The following FRMD4B variants were observed in gnomAD, a reference collection of about 807,000 sequenced individuals.
The protein encoded by FRMD4B is FERM domain containing 4B.
FRMD4B carries 74 observed loss-of-function variants against 141.5 expected under a neutral mutation model. The ratio of observed to expected loss-of-function variants is 0.52; its 90% CI spans 0.43 to 0.63. FRMD4B has a LOEUF of 0.63. FRMD4B is among the 30% of genes least tolerant of loss of function. FRMD4B has a pLI of 0.00. For synonymous variants in FRMD4B, 506 were observed against 467.9 expected, an observed-to-expected ratio of 1.08 and a Z score of -1.05; for missense variants, 1,366 against 1,253.4, an observed-to-expected ratio of 1.09 and a Z score of -1.36.
chr3:69,249,803 ATTC>A (rs1477229681), intron 6 of FRMD4B, among the ~76,000 whole-genome samples: 4 of 152,214 alleles, frequency 2.6e-5, no homozygotes, highest in Admixed American at 2.6e-4. Flanking sequence ...TATGGGTTTA[ATTC>A]TTCTCCTTCA....
intron 8 of FRMD4B, among the ~76,000 whole-genome samples, chr3:69,223,824 G>A (rs2093222342): frequency 6.6e-6 from 1 of 152,102 alleles, no homozygotes; most frequent in Non-Finnish European, 1.5e-5. Context: ...GCAAGACTCT[G>A]TCTCAAAAAA....
chr3:69,429,792 C>G (rs1466878733), intron 2 of FRMD4B, among the ~76,000 whole-genome samples: 1 of 129,782 alleles, frequency 7.7e-6, no homozygotes, highest in Non-Finnish European at 1.6e-5. Context: ...GTCTCACTTA[C>G]TCTGCTGCCC....
At chr3:69,203,338 A>AG (rs2092990186) in intron 11 of FRMD4B, among the ~76,000 whole-genome samples, 9 of 121,332 alleles carry the variant, frequency 7.4e-5, no homozygotes, top group Non-Finnish European at 1.5e-4. Context: ...AAAAAAAAAA[A>AG]AAAAAAGAAA....
chr3:69,199,585 A>T (rs1419402244), intron 11 of FRMD4B, among the ~76,000 whole-genome samples: 8 of 152,210 alleles, frequency 5.3e-5, no homozygotes, highest in Admixed American at 3.3e-4. Flanking sequence ...CCTAAATGCC[A>T]CAGAAACCTA....
intron 1 of FRMD4B, among the ~76,000 whole-genome samples, chr3:69,484,959 C>A (rs925751285): frequency 1.3e-5 from 2 of 152,164 alleles, no homozygotes; most frequent in Admixed American, 6.5e-5. Flanking sequence ...TCTGCCCCAG[C>A]CTGAAGGTGG....
intron 2 of FRMD4B, among the ~76,000 whole-genome samples, chr3:69,393,560 A>T (rs1704424699): frequency 6.6e-6 from 1 of 151,964 alleles, no homozygotes; most frequent in African/African-American, 2.4e-5. Flanking sequence ...CTTGTGACTG[A>T]CCTCCCACCT....
At chr3:69,173,046 G>A (rs550773745) in intron 22 of FRMD4B, among the ~76,000 whole-genome samples, 92 of 152,242 alleles carry the variant, frequency 6.0e-4, no homozygotes, top group Non-Finnish European at 9.6e-4. Context: ...ACTTACTACA[G>A]CTGGCTACAC....
chr3:69,474,856 G>A (rs1268190959), intron 1 of FRMD4B, among the ~76,000 whole-genome samples: 1 of 152,088 alleles, frequency 6.6e-6, no homozygotes, highest in Non-Finnish European at 1.5e-5. Flanking sequence ...CTTAAACCAG[G>A]GATAAAATGC....
In FRMD4B at chr3:69,270,457, T is replaced by C. The variant is rs369612492; in HGVS notation, c.501+17295A>G. ...AAATAGGTAGAAAGATGGACAGAAA[T>C]AGTTGGTATGGATAAGTTTGGTTTT... On this transcript the variant is annotated intron_variant, in intron 5 of 22. Transcript: ENST00000398540. Among the ~76,000 whole-genome samples the C allele has an allele frequency of 5.2e-4, 79 of 152,286 alleles. 1 individual carries two copies. In the South Asian group the frequency reaches 0.016, roughly 31 times the overall value.
rs1178376970 is a variant in FRMD4B, at chr3:69,221,924, C to G, written c.666-1G>C. 1 of 1,505,494 alleles carries G rather than the reference C, an allele frequency of 6.6e-7. No individual in the cohort carries two copies. The allele number at this position is 1,505,494 out of a possible 1,614,324, so 93.3% of individuals were successfully genotyped here. Reference sequence around the variant, plus strand: ...ATAATGCTCAATTACCCTGTCCTCACTGTAAAACAAAGAAATGAGAAGGAT... The same window carrying G: ...ATAATGCTCAATTACCCTGTCCTCAGTGTAAAACAAAGAAATGAGAAGGAT... On this transcript the variant is annotated splice_acceptor_variant, in intron 8 of 22. Coordinates refer to ENST00000398540, the MANE Select transcript of FRMD4B (RefSeq NM_015123.3). LOFTEE classifies it high-confidence loss of function.
chr3:69,239,806 C>T (rs1270364903), intron 7 of FRMD4B, among the ~76,000 whole-genome samples: 1 of 152,040 alleles, frequency 6.6e-6, no homozygotes, highest in Non-Finnish European at 1.5e-5. Context: ...CCTGTAATCC[C>T]AGTACTTTGG....
At chr3:69,438,073 T>A (rs1460070572) in intron 1 of FRMD4B, among the ~76,000 whole-genome samples, 1 of 146,614 alleles carries the variant, frequency 6.8e-6, no homozygotes, top group Admixed American at 6.9e-5. Context: ...TTACATAATA[T>A]ATTATTATCT....
In FRMD4B at chr3:69,196,404, G is replaced by A. The variant is rs1439590235; in HGVS notation, c.1093-8C>T. 3.1e-6 allele frequency: 5 copies of A among 1,597,524 alleles called. No homozygotes were observed. The highest frequency in any genetic ancestry group is 1.1e-5 in the South Asian group (1 of 88,582). On this transcript the variant is annotated splice_region_variant and splice_polypyrimidine_tract_variant and intron_variant, in intron 13 of 22. Coordinates refer to ENST00000398540, the MANE Select transcript of FRMD4B (RefSeq NM_015123.3). The stretch of plus-strand genomic sequence containing the variant: ...GGCTGAAGGAATTTTTGCCTAAGAG[G>A]CATACAACAATGAAACAGAATTAAC...
intron 1 of FRMD4B, among the ~76,000 whole-genome samples, chr3:69,469,438 T>C (rs1705851186): frequency 6.6e-6 from 1 of 152,222 alleles, no homozygotes; most frequent in Admixed American, 6.5e-5. Context: ...TAGGTAAAAC[T>C]ACACATCCCT....
At chr3:69,191,686 T>C (rs983605800) in intron 17 of FRMD4B, among the ~76,000 whole-genome samples, 1 of 152,226 alleles carries the variant, frequency 6.6e-6, no homozygotes, top group Admixed American at 6.5e-5. Flanking sequence ...GGTGCCAGTA[T>C]AGTCAGCTGT....
chr3:69,297,666 C>T (rs1559787405), intron 4 of FRMD4B, among the ~76,000 whole-genome samples: 1 of 152,120 alleles, frequency 6.6e-6, no homozygotes, highest in Non-Finnish European at 1.5e-5. Context: ...GCTTGCTCCT[C>T]ACTGTCAAGC....
intron 1 of FRMD4B, among the ~76,000 whole-genome samples, 180 bp from the exon 2 acceptor site, chr3:69,313,697 A>G (rs1391363914): frequency 6.6e-6 from 1 of 152,266 alleles, no homozygotes; most frequent in Non-Finnish European, 1.5e-5. Context: ...ATTTAAAAGA[A>G]GAACAAAGAG....
At chr3:69,324,636 C>G (rs1702120265) in intron 1 of FRMD4B, among the ~76,000 whole-genome samples, 1 of 152,192 alleles carries the variant, frequency 6.6e-6, no homozygotes, top group African/African-American at 2.4e-5. Context: ...TTGAGAACAA[C>G]TGCTTTAGAG....
intron 1 of FRMD4B, among the ~76,000 whole-genome samples, chr3:69,321,797 C>A (rs1702007467): frequency 6.6e-6 from 1 of 152,006 alleles, no homozygotes; most frequent in Admixed American, 6.6e-5. Flanking sequence ...TCACTGCAGT[C>A]TTGACTTCCC....
Sources: gnomAD v4.1 joint callset for allele counts (sites outside exome capture counted in the v4.1 genomes callset) on GRCh38, gnomAD v4.1.1 for gene constraint, MANE v1.5 for transcripts, NCBI Gene and HGNC (gene_info 2026-07-23, HGNC 2026-07-21) for gene names.